Variants in PPM1F observed in about 807,000 individuals in gnomAD.
PPM1F encodes protein phosphatase 1F.
Under a neutral mutation model 35.5 loss-of-function variants are expected in PPM1F, and 17 were observed. That is an observed-to-expected ratio of 0.48 (90% CI 0.33 to 0.72). The LOEUF is 0.72. Among genes scored for constraint, PPM1F ranks in the 30% least tolerant of loss-of-function variants. The probability of loss-of-function intolerance (pLI) is 0.02; values close to 1 mark genes in which losing one functional copy is unlikely to be tolerated. For synonymous variants in PPM1F, 241 were observed against 255.5 expected (o/e 0.94, Z 0.54); for missense variants, 521 against 613.0 (o/e 0.85, Z 1.59).
intron 3 of PPM1F, chr22:21,935,125 GAAATGGTT>G (rs1293144518): frequency 6.6e-6 from 1 of 152,154 alleles, no homozygotes; most frequent in Non-Finnish European, 1.5e-5. Flanking sequence ...CTTCAACGTG[GAAATGGTT>G]AAACAAACCG....
intron 3 of PPM1F, chr22:21,937,338 G>T: frequency 6.5e-6 from 1 of 152,858 alleles, no homozygotes; most frequent in Non-Finnish European, 1.5e-5. Flanking sequence ...CATGCATCAA[G>T]GCAGGGGTGG....
chr22:21,948,726 C>T (rs1306727209), intron 1 of PPM1F: 1 of 152,262 alleles, frequency 6.6e-6, no homozygotes, highest in African/African-American at 2.4e-5. Context: ...TGTCTCACCA[C>T]AAAATGTGCT....
At chr22:21,938,043 A>G in intron 3 of PPM1F, 1 of 1,214,476 alleles carries the variant, frequency 8.2e-7, no homozygotes, top group East Asian at 6.0e-5. Context: ...GGAGAGCATG[A>G]TCAAGGCCGC....
At chr22:21,936,170 TAAAAC>T (rs1490831774) in intron 3 of PPM1F, 1 of 152,120 alleles carries the variant, frequency 6.6e-6, no homozygotes, top group Non-Finnish European at 1.5e-5. Flanking sequence ...CCTGGTCTCT[TAAAAC>T]AGAAAACTAA....
chr22:21,938,320 C>G, intron 3 of PPM1F: 1 of 1,213,270 alleles, frequency 8.2e-7, no homozygotes, highest in Non-Finnish European at 1.1e-6. Flanking sequence ...CAGCTGCCAC[C>G]GGCCGGAAGC....
chr22:21,931,324 G>T (rs2070587456), intron 5 of PPM1F, 33 bp from the exon 6 acceptor site: 2 of 1,598,238 alleles, frequency 1.3e-6, no homozygotes, highest in East Asian at 2.2e-5. Context: ...AGAGTTGAGA[G>T]GAGGTAGGGA....
At chr22:21,937,157 C>G (rs2070669153) in intron 3 of PPM1F, 1 of 152,302 alleles carries the variant, frequency 6.6e-6, no homozygotes, top group South Asian at 2.1e-4. Flanking sequence ...GTGTCACAGG[C>G]CACACCCAAA....
In PPM1F at chr22:21,946,107, C is replaced by A; in HGVS notation, c.-59G>T. The A allele has an allele frequency of 1.2e-5, 16 of 1,381,790 alleles. No homozygotes were observed. Among genetic ancestry groups the A allele is most frequent in the Non-Finnish European group, 1.5e-5 (16 of 1,035,556 alleles). The allele number at this position is 1,381,790 out of a possible 1,614,324, so 85.6% of individuals were successfully genotyped here. ...AGGGCAAGAGGGTCTCCAGGCTTCA[C>A]CCTGGGGAGAAATGTCAGAGTCAGC... On this transcript the variant is annotated splice_region_variant and 5_prime_UTR_variant, in exon 2 of 8. Coordinates refer to ENST00000263212, the MANE Select transcript of PPM1F (RefSeq NM_014634.4).
At chr22:21,937,850 A>G in intron 3 of PPM1F, 1 of 297,898 alleles carries the variant, frequency 3.4e-6, no homozygotes, top group Admixed American at 4.9e-5. Flanking sequence ...CAGCCCCGCA[A>G]CCTCGCTTCT....
At chr22:21,942,922 C>T (rs1002056405) in intron 2 of PPM1F, 4 of 152,372 alleles carry the variant, frequency 2.6e-5, no homozygotes, top group Admixed American at 6.5e-5. Context: ...AAACACGTCT[C>T]ACCGACCTTG....
intron 1 of PPM1F, chr22:21,950,489 G>A (rs1021890723): frequency 6.6e-6 from 1 of 151,820 alleles, no homozygotes; most frequent in African/African-American, 2.4e-5. Context: ...GTTTTTTAGG[G>A]GACATAGAAA....
chr22:21,933,608 C>G, intron 4 of PPM1F, 29 bp from the exon 5 acceptor site: 1 of 1,588,412 alleles, frequency 6.3e-7, no homozygotes, highest in Non-Finnish European at 8.6e-7. Context: ...GAGTCACAGA[C>G]CCGCGGGACC....
chr22:21,923,481 C>A lies in PPM1F; in HGVS notation c.986-10G>T, dbSNP rs371072792. On this transcript the variant is annotated splice_polypyrimidine_tract_variant and intron_variant, in intron 7 of 7. Coordinates refer to ENST00000263212, the MANE Select transcript of PPM1F (RefSeq NM_014634.4). ...TTCTGGAAGACATCCCCTGGACAGG[C>A]GGAGAAGAGCCCGGGTCAGAGGACC... 1.2e-5 allele frequency: 19 copies of A among 1,589,546 alleles called. No individual in the cohort carries two copies. The highest frequency in any genetic ancestry group is 2.7e-5 in the African/African-American group (2 of 74,454).
intron 3 of PPM1F, chr22:21,934,436 T>A (rs1601784117): frequency 1.8e-6 from 1 of 557,142 alleles, no homozygotes; most frequent in Non-Finnish European, 3.2e-6. Flanking sequence ...AAGTCTCCCA[T>A]CCCACCATGG....
In PPM1F at chr22:21,952,253, T is replaced by A. The variant is rs1408891833; in HGVS notation, c.-61+539A>T. ...CTCACAGACCTGTGGCTGAAGCAGCTGCAGCCCGAGCACTTGTGCAGCTGA... is the reference window on the plus strand; with the variant it reads ...CTCACAGACCTGTGGCTGAAGCAGCAGCAGCCCGAGCACTTGTGCAGCTGA... On this transcript the variant is annotated intron_variant, in intron 1 of 7. Transcript: ENST00000263212. 2.6e-5 allele frequency: 4 copies of A among 152,264 alleles called. No homozygotes were observed. The East Asian group carries it at 7.7e-4, about 29-fold the overall frequency. The allele number at this position is 152,264 out of a possible 1,614,324, so 9.4% of individuals were successfully genotyped here.
intron 3 of PPM1F, chr22:21,934,463 G>A: frequency 1.9e-6 from 1 of 517,078 alleles, no homozygotes. Flanking sequence ...TCTACTCATG[G>A]GAACCCACCC....
chr22:21,925,175 G>A (rs576358341), intron 7 of PPM1F: 115 of 316,452 alleles, frequency 3.6e-4, no homozygotes, highest in East Asian at 1.0e-4. Context: ...GATTACAGGC[G>A]TGAGCCACCG....
Position 21,925,710 on chromosome 22 carries a change from G to A in PPM1F, c.892-48C>T, listed in dbSNP as rs371183538. 10 of 1,449,314 alleles carry A rather than the reference G, an allele frequency of 6.9e-6. No individual in the cohort carries two copies. The African/African-American group carries it at 8.4e-5, about 12-fold the overall frequency. The allele number at this position is 1,449,314 out of a possible 1,614,324, so 89.8% of individuals were successfully genotyped here. ...GGGGGCAGGGCCGGGGGGATGGGGC[G>A]TGAAGCCCCCTGCTGCTACCTGAGC... is the stretch of plus-strand genomic sequence containing the variant. On this transcript the variant is annotated intron_variant, in intron 6 of 7. Transcript: ENST00000263212.
At chr22:21,927,871 C>G (rs949401123) in intron 6 of PPM1F, among the ~76,000 whole-genome samples, 1 of 151,882 alleles carries the variant, frequency 6.6e-6, no homozygotes, top group South Asian at 2.1e-4. Context: ...AACATATCCC[C>G]AGGCTAAGGG....
Sources: allele counts gnomAD v4.1 joint callset (sites outside exome capture counted in the v4.1 genomes callset), GRCh38; gene constraint gnomAD v4.1.1; transcripts MANE v1.5; gene names NCBI Gene and HGNC (gene_info 2026-07-23, HGNC 2026-07-21).